The following JAKMIP1 variants were observed in gnomAD, a reference collection of about 807,000 sequenced individuals.
JAKMIP1 encodes janus kinase and microtubule interacting protein 1.
Under a neutral mutation model 113.0 loss-of-function variants are expected in JAKMIP1, and 33 were observed. The observed-to-expected ratio is 0.29, with a 90% CI of 0.22 to 0.39. The LOEUF is 0.39. Among genes scored for constraint, JAKMIP1 ranks in the 10% least tolerant of loss-of-function variants. JAKMIP1 has a pLI of 1.00. For synonymous variants in JAKMIP1, 480 were observed against 459.9 expected (o/e 1.04, Z -0.56); for missense variants, 813 against 1,080.5 (o/e 0.75, Z 3.47).
At chr4:6,110,268 AAC>A (rs1714704213) in intron 2 of JAKMIP1, among the ~76,000 whole-genome samples, 1 of 152,126 alleles carries the variant, frequency 6.6e-6, no homozygotes, top group Non-Finnish European at 1.5e-5. Flanking sequence ...GACATGGACA[AAC>A]ACAGAGGAGA....
chr4:6,065,082 A>T lies in JAKMIP1; in HGVS notation c.1303-74T>A, dbSNP rs1717876670. The T allele has an allele frequency of 2.5e-6, 4 of 1,579,146 alleles. No individual in the cohort carries two copies. The highest frequency in any genetic ancestry group is 3.5e-6 in the Non-Finnish European group (4 of 1,153,828). On this transcript the variant is annotated intron_variant, in intron 8 of 20. Transcript: ENST00000409021. This position sits in a 1 kb window ranked among gnomAD's most constrained non-coding sequence, Gnocchi z 5.1. Reference sequence around the variant, plus strand: ...AGTCTACCAGTCCCTGGTCGTGGGCATGCCAGTGCAGGGGGGTGATGATTG... The same window carrying T: ...AGTCTACCAGTCCCTGGTCGTGGGCTTGCCAGTGCAGGGGGGTGATGATTG...
chr4:6,124,757 G>C (rs1432254506), intron 1 of JAKMIP1, among the ~76,000 whole-genome samples: 1 of 152,240 alleles, frequency 6.6e-6, no homozygotes, highest in Non-Finnish European at 1.5e-5. Flanking sequence ...CCCTTCTCTA[G>C]CTCACAGGCC....
chr4:6,107,672 G>T (rs73198059), intron 2 of JAKMIP1, among the ~76,000 whole-genome samples: 17,548 of 152,136 alleles, frequency 0.12, 1,145 homozygotes, highest in Middle Eastern at 0.14. Flanking sequence ...CTGCTGGTCT[G>T]CCCTACACAT....
chr4:6,187,243 A>G lies in JAKMIP1; in HGVS notation c.-148+13010T>C, dbSNP rs6446472. On this transcript the variant is annotated intron_variant, in intron 1 of 20. Transcript: ENST00000409021. The surrounding 1 kb of genome is among the most constrained non-coding windows in gnomAD (Gnocchi z 4.2). ...GAACTTCTTGTCATTATAAAATGTT[A>G]CTTTTTATCTCTAGTAACTTTTTTT... 0.43 allele frequency among the ~76,000 whole-genome samples: 65,559 copies of G among 152,084 alleles called. 14,313 individuals carry two copies. The highest frequency in any genetic ancestry group is 0.47 in the Non-Finnish European group (31,876 of 67,974).
In JAKMIP1 at chr4:6,150,735, C is replaced by T. The variant is rs1380321935; in HGVS notation, c.-147-37738G>A. On this transcript the variant is annotated intron_variant, in intron 1 of 20. Transcript: ENST00000409021. This position sits in a 1 kb window ranked among gnomAD's most constrained non-coding sequence, Gnocchi z 4.8. ...TAGGAAGAAAAATCTTTTAAAAGCA[C>T]GTTAAAAGGCAGGCCTCTAAAATCA... Among the ~76,000 whole-genome samples the T allele has an allele frequency of 1.3e-5, 2 of 152,110 alleles. No individual in the cohort carries two copies. The highest frequency in any genetic ancestry group is 2.4e-5 in the African/African-American group (1 of 41,404).
At position 6,080,139 on chromosome 4, in the gene JAKMIP1, C is replaced by T. The variant is rs1227210456; in HGVS notation, c.1242+33G>A. ...CCATGTCAGCTGGTGCCACCCCTGC[C>T]AGGGGCAGCCGCGCCAGCTGTGCTA... is the stretch of plus-strand genomic sequence containing the variant. On this transcript the variant is annotated intron_variant, in intron 7 of 20. Transcript: ENST00000409021. The surrounding 1 kb of genome is among the most constrained non-coding windows in gnomAD (Gnocchi z 6.0). 4 of 1,553,588 alleles carry T rather than the reference C, an allele frequency of 2.6e-6. No individual in the cohort carries two copies. The highest frequency in any genetic ancestry group is 3.9e-5 in the Admixed American group (2 of 51,568).
At chr4:6,075,608 G>C (rs1373446392) in intron 8 of JAKMIP1, among the ~76,000 whole-genome samples, 1 of 152,184 alleles carries the variant, frequency 6.6e-6, no homozygotes, top group African/African-American at 2.4e-5. Flanking sequence ...CTAATGACAC[G>C]GAACTATCTT....
chr4:6,040,831 G>C lies in JAKMIP1; in HGVS notation c.2098-115C>G. 1 of 769,610 alleles carries C rather than the reference G, an allele frequency of 1.3e-6. No homozygotes were observed. Among genetic ancestry groups the C allele is most frequent in the Non-Finnish European group, 2.2e-6 (1 of 448,364 alleles). 47.7% of individuals were successfully genotyped at this position (769,610 alleles called of 1,614,324 possible). On this transcript the variant is annotated intron_variant, in intron 17 of 20. Coordinates refer to ENST00000409021, the MANE Select transcript of JAKMIP1 (RefSeq NM_001099433.2). The surrounding 1 kb of genome is among the most constrained non-coding windows in gnomAD (Gnocchi z 5.8). ...CACCGAATTGGGGGCACTCAGATGA[G>C]AAGGGACTTGGTGGTCTTCCCCGTT...
At chr4:6,073,190 G>C (rs762199930) in intron 8 of JAKMIP1, among the ~76,000 whole-genome samples, 1 of 151,928 alleles carries the variant, frequency 6.6e-6, no homozygotes, top group Non-Finnish European at 1.5e-5. Flanking sequence ...GGCCTCAGGG[G>C]TGTCCTTCCC....
intron 11 of JAKMIP1, among the ~76,000 whole-genome samples, chr4:6,057,736 T>C (rs757867515): frequency 1.3e-5 from 2 of 152,202 alleles, no homozygotes; most frequent in Non-Finnish European, 2.9e-5. Context: ...CAGCAGGTGA[T>C]GGGGTCCATT....
In JAKMIP1 at chr4:6,106,045, G is replaced by A; in HGVS notation, c.130-78C>T. 5 of 964,962 alleles carry A rather than the reference G, an allele frequency of 5.2e-6. No individual in the cohort carries two copies. In the South Asian group the frequency reaches 8.2e-5, roughly 16 times the overall value. 59.8% of individuals were successfully genotyped at this position (964,962 alleles called of 1,614,324 possible). The stretch of plus-strand genomic sequence containing the variant: ...CAGGGTCAGGGTCACAGCTGGGGGA[G>A]CTGGCCACAGCCTCCCCACGCCCAA... On this transcript the variant is annotated intron_variant, in intron 2 of 20. Coordinates refer to ENST00000409021, the MANE Select transcript of JAKMIP1 (RefSeq NM_001099433.2). This position sits in a 1 kb window ranked among gnomAD's most constrained non-coding sequence, Gnocchi z 5.9.
intron 1 of JAKMIP1, among the ~76,000 whole-genome samples, chr4:6,134,864 A>AGGCTCAAGCCTAGCAT (rs1300010384): frequency 6.7e-6 from 1 of 149,644 alleles, no homozygotes; most frequent in Non-Finnish European, 1.5e-5. Flanking sequence ...CTAGCATGGG[A>AGGCTCAAGCCTAGCAT]GGGTGGCGCA....
chr4:6,068,390 T>A (rs1373565358), intron 8 of JAKMIP1, among the ~76,000 whole-genome samples: 1 of 151,894 alleles, frequency 6.6e-6, no homozygotes, highest in East Asian at 1.9e-4. Flanking sequence ...AGGAAGCAGC[T>A]CTTAGAGCAG....
chr4:6,070,309 C>T (rs368451899), intron 8 of JAKMIP1: 40 of 387,036 alleles, frequency 1.0e-4, no homozygotes, highest in African/African-American at 2.5e-4. Context: ...CTAACACACC[C>T]GCCCTAGCAA....
intron 2 of JAKMIP1, among the ~76,000 whole-genome samples, chr4:6,107,752 G>A (rs1714200481): frequency 7.1e-6 from 1 of 140,186 alleles, no homozygotes; most frequent in Non-Finnish European, 1.5e-5. Context: ...CTCACTCTGT[G>A]GGGGGTGTGT....
At chr4:6,125,744 A>T (rs1460950133) in intron 1 of JAKMIP1, among the ~76,000 whole-genome samples, 1 of 142,284 alleles carries the variant, frequency 7.0e-6, no homozygotes, top group African/African-American at 2.6e-5. Context: ...CATACCCACC[A>T]TACAGAAACA....
intron 1 of JAKMIP1, among the ~76,000 whole-genome samples, chr4:6,122,402 G>T (rs548597937): frequency 6.6e-6 from 1 of 152,070 alleles, no homozygotes; most frequent in Non-Finnish European, 1.5e-5. Context: ...AAGAGGTTAG[G>T]GTACTTGGGT....
In JAKMIP1 at chr4:6,167,023, T is replaced by C. The variant is rs558182769; in HGVS notation, c.-148+33230A>G. Among the ~76,000 whole-genome samples the C allele has an allele frequency of 8.2e-4, 125 of 152,136 alleles. No homozygotes were observed. Among genetic ancestry groups the C allele is most frequent in the African/African-American group, 2.9e-3 (122 of 41,514 alleles). On this transcript the variant is annotated intron_variant, in intron 1 of 20. Coordinates refer to ENST00000409021, the MANE Select transcript of JAKMIP1 (RefSeq NM_001099433.2). This position sits in a 1 kb window ranked among gnomAD's most constrained non-coding sequence, Gnocchi z 5.3. Reference sequence around the variant, plus strand: ...AATGACCCCTACCTCCTAGGGTCTCTCAAATACTGTATGTGCTACCCCACA... The same window carrying C: ...AATGACCCCTACCTCCTAGGGTCTCCCAAATACTGTATGTGCTACCCCACA...
At chr4:6,032,857 C>A (rs28510368) in intron 19 of JAKMIP1, among the ~76,000 whole-genome samples, 1 of 152,194 alleles carries the variant, frequency 6.6e-6, no homozygotes, top group East Asian at 1.9e-4. Context: ...AGGGTCTCAG[C>A]GGGAGGCGGG....
Sources: allele counts gnomAD v4.1 joint callset (sites outside exome capture counted in the v4.1 genomes callset), GRCh38; gene constraint gnomAD v4.1.1; non-coding constraint Gnocchi (gnomAD v3.1); transcripts MANE v1.5; gene names NCBI Gene and HGNC (gene_info 2026-07-23, HGNC 2026-07-21).